Variants in PEX5L observed in about 807,000 individuals in gnomAD.
PEX5L encodes peroxisomal biogenesis factor 5 like.
In PEX5L, 30 loss-of-function variants were observed where a neutral mutation model predicts 84.0. That is an observed-to-expected ratio of 0.36 (90% confidence interval 0.27 to 0.48). The LOEUF (loss-of-function observed/expected upper bound fraction) is 0.48, where lower values mean the gene tolerates loss of function less well. Among genes scored for constraint, PEX5L ranks in the 20% least tolerant of loss-of-function variants. The pLI, the probability that PEX5L is intolerant of heterozygous loss-of-function variation, is 0.99. For missense variants in PEX5L, 533 were observed against 754.6 expected (o/e 0.71, Z 3.44); for synonymous variants, 270 against 283.1 (o/e 0.95, Z 0.46).
chr3:179,840,156 GTT>G (rs201456388), intron 8 of PEX5L, among the ~76,000 whole-genome samples: 12 of 123,476 alleles, frequency 9.7e-5, no homozygotes, highest in Middle Eastern at 4.3e-3. Flanking sequence ...TCGTCAAGTT[GTT>G]TTTTGTGTGT....
intron 2 of PEX5L, among the ~76,000 whole-genome samples, chr3:179,904,886 G>A (rs1258606614): frequency 1.3e-5 from 2 of 152,026 alleles, no homozygotes; most frequent in Non-Finnish European, 2.9e-5. Flanking sequence ...GGCTGTCCTG[G>A]TTGTCTCTGG....
intron 1 of PEX5L, among the ~76,000 whole-genome samples, chr3:180,025,953 C>T (rs1298378356): frequency 1.3e-5 from 2 of 152,024 alleles, no homozygotes; most frequent in South Asian, 2.1e-4. Context: ...GTGAGGAAAG[C>T]GGGGGTTAGG....
rs570308389 is a variant in PEX5L at position 179,975,058 on chromosome 3, G to A, written c.22-3393C>T. Among the ~76,000 whole-genome samples the A allele has an allele frequency of 2.2e-4, 34 of 152,226 alleles. No individual in the cohort carries two copies. The South Asian group carries it at 5.0e-3, about 22-fold the overall frequency. On this transcript the variant is annotated intron_variant, in intron 1 of 14. Coordinates refer to ENST00000467460, the MANE Select transcript of PEX5L (RefSeq NM_016559.3). ...TAAAAAATTAGCTGGACGTAGTGGCGTGCACCTGTAGACCTAGCTACTCAG... is the reference window on the plus strand; with the variant it reads ...TAAAAAATTAGCTGGACGTAGTGGCATGCACCTGTAGACCTAGCTACTCAG...
intron 8 of PEX5L, among the ~76,000 whole-genome samples, chr3:179,824,606 T>G: frequency 6.7e-6 from 1 of 148,706 alleles, no homozygotes; most frequent in South Asian, 2.1e-4. Flanking sequence ...CTCGGGAGGC[T>G]GAGGCAGGAG....
At chr3:179,899,420 G>A (rs952895210) in intron 2 of PEX5L, among the ~76,000 whole-genome samples, 2 of 152,040 alleles carry the variant, frequency 1.3e-5, no homozygotes, top group African/African-American at 2.4e-5. Flanking sequence ...GCAGAGAAAC[G>A]AAAACCGACA....
chr3:179,838,012 G>A (rs1342476637), intron 8 of PEX5L, among the ~76,000 whole-genome samples: 1 of 152,154 alleles, frequency 6.6e-6, no homozygotes, highest in African/African-American at 2.4e-5. Context: ...ATGTTTGCAT[G>A]TAGCCATCCA....
At chr3:179,851,639 C>A (rs1007449220) in intron 8 of PEX5L, among the ~76,000 whole-genome samples, 2 of 152,128 alleles carry the variant, frequency 1.3e-5, no homozygotes, top group Admixed American at 6.6e-5. Flanking sequence ...TAGCTTGAAG[C>A]CTTGAGGGTT....
intron 3 of PEX5L, among the ~76,000 whole-genome samples, chr3:179,897,463 T>C (rs1280745003): frequency 6.6e-6 from 1 of 152,170 alleles, no homozygotes; most frequent in East Asian, 1.9e-4. Flanking sequence ...AGTCTCCACA[T>C]GTCTTTGCAT....
chr3:179,804,886 A>G (rs1393425163), intron 14 of PEX5L, among the ~76,000 whole-genome samples: 1 of 152,164 alleles, frequency 6.6e-6, no homozygotes, highest in Non-Finnish European at 1.5e-5. Flanking sequence ...TGGGAGGCTG[A>G]GGCAGGCAGA....
At position 179,898,160 on chromosome 3, in the gene PEX5L, G is replaced by A; in HGVS notation, c.180C>T (p.Leu60=). The A allele has an allele frequency of 1.2e-6, 2 of 1,612,058 alleles. No individual in the cohort carries two copies. Among genetic ancestry groups the A allele is most frequent in the Non-Finnish European group, 1.7e-6 (2 of 1,178,308 alleles). The change falls in exon 3 of 15, where the codon CTC becomes CTT. Residue 60 remains leucine, a synonymous_variant. Transcript: ENST00000467460. ...PREESAEEKP[L]LTMTSQLVNE... is the part of the protein sequence containing the mutation. Reference sequence around the variant, plus strand: ...TGCCCACCTGTGATGTCATAGTAAGGAGGGGCTTTTCTTCAGCAGACTCCT... The same window carrying A: ...TGCCCACCTGTGATGTCATAGTAAGAAGGGGCTTTTCTTCAGCAGACTCCT...
intron 1 of PEX5L, 53 bp from the exon 2 acceptor site, chr3:179,971,718 T>G (rs569217258): frequency 6.9e-7 from 1 of 1,443,134 alleles, no homozygotes; most frequent in East Asian, 2.6e-5. Context: ...ATTAACAATC[T>G]TAATTCTACT....
At chr3:179,923,124 T>A (rs140421769) in intron 2 of PEX5L, among the ~76,000 whole-genome samples, 1 of 146,476 alleles carries the variant, frequency 6.8e-6, no homozygotes, top group South Asian at 2.4e-4. Context: ...CCTGTCTCTA[T>A]TAAAAATACA....
chr3:180,007,603 G>C (rs1789033400), intron 1 of PEX5L, among the ~76,000 whole-genome samples: 1 of 152,176 alleles, frequency 6.6e-6, no homozygotes, highest in Non-Finnish European at 1.5e-5. Context: ...TGAGGGCCCT[G>C]CCCCTGCAGC....
chr3:179,982,932 C>T (rs1050619297), intron 1 of PEX5L, among the ~76,000 whole-genome samples: 1 of 151,790 alleles, frequency 6.6e-6, no homozygotes. Flanking sequence ...TTAAAAAAAA[C>T]CACTAAAAAT....
At chr3:179,864,406 T>C (rs1747389658) in intron 7 of PEX5L, among the ~76,000 whole-genome samples, 2 of 151,984 alleles carry the variant, frequency 1.3e-5, no homozygotes, top group Non-Finnish European at 2.9e-5. Flanking sequence ...TAGAGGACAG[T>C]GTGTTAAGTG....
At chr3:179,920,929 T>G (rs1405467327) in intron 2 of PEX5L, among the ~76,000 whole-genome samples, 1 of 152,092 alleles carries the variant, frequency 6.6e-6, no homozygotes, top group Non-Finnish European at 1.5e-5. Flanking sequence ...TACACAGTAT[T>G]TTTTACACAG....
chr3:180,026,609 T>C (rs565418278), intron 1 of PEX5L, among the ~76,000 whole-genome samples: 2 of 152,330 alleles, frequency 1.3e-5, no homozygotes, highest in African/African-American at 2.4e-5. Context: ...TGATCAATGA[T>C]AGAGGAACCA....
At chr3:179,867,882 A>C (rs1748891891) in intron 7 of PEX5L, among the ~76,000 whole-genome samples, 2 of 152,146 alleles carry the variant, frequency 1.3e-5, no homozygotes, top group Admixed American at 1.3e-4. Flanking sequence ...AAAATTACTT[A>C]ATCATATCAA....
At chr3:179,982,000 T>C (rs1786375949) in intron 1 of PEX5L, among the ~76,000 whole-genome samples, 1 of 152,200 alleles carries the variant, frequency 6.6e-6, no homozygotes. Context: ...TTTGAGGATA[T>C]CATCAAACCT....
Sources: gnomAD v4.1 joint callset for allele counts (sites outside exome capture counted in the v4.1 genomes callset) on GRCh38, gnomAD v4.1.1 for gene constraint, MANE v1.5 for transcripts, NCBI Gene and HGNC (gene_info 2026-07-23, HGNC 2026-07-21) for gene names.